ETAA1: variants seen among roughly 807,000 people sequenced by gnomAD.
ETAA1 encodes ETAA1 activator of ATR kinase, also known as ewing's tumor-associated antigen 1.
Under a neutral mutation model 76.8 loss-of-function variants are expected in ETAA1, and 49 were observed. The observed-to-expected ratio is 0.64, with a 90% confidence interval of 0.51 to 0.81. The LOEUF is 0.81. Among genes scored for constraint, ETAA1 ranks in the 30% least tolerant of loss-of-function variants. The pLI is 0.00. For missense variants in ETAA1, 1,099 were observed against 1,074.0 expected (o/e 1.02, Z -0.32); for synonymous variants, 373 against 372.2 (o/e 1.00, Z -0.03).
intron 5 of ETAA1, among the ~76,000 whole-genome samples, chr2:67,407,985 T>TA (rs768131327): frequency 6.6e-6 from 1 of 152,038 alleles, no homozygotes; most frequent in Non-Finnish European, 1.5e-5. Context: ...CCTCCTGGAG[T>TA]ATTTGAGTTT....
chr2:67,408,214 C>T lies in ETAA1; in HGVS notation c.2654-1697C>T, dbSNP rs115470734. On this transcript the variant is annotated intron_variant, in intron 5 of 5. Coordinates refer to ENST00000272342, the MANE Select transcript of ETAA1 (RefSeq NM_019002.4). ...CTCTGAAACAAAACTCACTTAACTCCCACATTTATTTCAGGCAGGAGTTGG... is the reference window on the plus strand; with the variant it reads ...CTCTGAAACAAAACTCACTTAACTCTCACATTTATTTCAGGCAGGAGTTGG... Among the ~76,000 whole-genome samples the T allele has an allele frequency of 6.6e-3, 1,012 of 152,204 alleles. 19 individuals are homozygous for T. Among genetic ancestry groups the T allele is most frequent in the African/African-American group, 0.023 (968 of 41,544 alleles).
chr2:67,403,218 T>C lies in ETAA1; in HGVS notation c.543-7T>C. The C allele has an allele frequency of 3.3e-6, 5 of 1,506,578 alleles. No homozygotes were observed. Among genetic ancestry groups the C allele is most frequent in the Non-Finnish European group, 4.5e-6 (5 of 1,118,886 alleles). The allele number at this position is 1,506,578 out of a possible 1,614,324, so 93.3% of individuals were successfully genotyped here. ...ATTTTTAGTTATTTTTTAATCTTGT[T>C]TAATAGGTTAAAAACACAAAGTCAA... On this transcript the variant is annotated splice_polypyrimidine_tract_variant and splice_region_variant and intron_variant, in intron 4 of 5. Coordinates refer to ENST00000272342, the MANE Select transcript of ETAA1 (RefSeq NM_019002.4).
At position 67,411,935 on chromosome 2, in the gene ETAA1, C is replaced by G. The variant is rs1288097167; in HGVS notation, c.*1897C>G. On this transcript the variant is annotated 3_prime_UTR_variant, in exon 6 of 6. Transcript: ENST00000272342. ...TTGCTTTTTTAAGAGTACTTTTAGC[C>G]TATTCTGTTCATTCATTTAGACTCA... 1 of 152,002 alleles carries G rather than the reference C, an allele frequency of 6.6e-6. No individual in the cohort carries two copies. The highest frequency in any genetic ancestry group is 2.1e-4 in the South Asian group (1 of 4,816). 9.4% of individuals were successfully genotyped at this position (152,002 alleles called of 1,614,324 possible). A position where few individuals can be genotyped will look rare whatever the true frequency, so the allele number is the denominator to read the frequency against.
Position 67,397,652 on chromosome 2 carries a change from C to G in ETAA1, c.204C>G (p.Cys68Trp). The G allele has an allele frequency of 6.5e-7, 1 of 1,547,368 alleles. No homozygotes were observed. The highest frequency in any genetic ancestry group is 1.2e-5 in the South Asian group (1 of 83,976). The change falls in exon 1 of 6, where the codon TGC (cysteine) becomes TGG (tryptophan). Residue 68 changes from cysteine (C) to tryptophan (W), a missense_variant. Cys to Trp is a radical substitution (Grantham distance 215). Coordinates refer to ENST00000272342, the MANE Select transcript of ETAA1 (RefSeq NM_019002.4). ...QREQPPTAAL[C>W]SKSNPEERYE... ...AGCAGCCTCCGACCGCCGCCCTGTG[C>G]AGTAAAAGTAACCCCGAGGGTGAGA...
At chr2:67,403,043 G>C in intron 4 of ETAA1, 69 bp downstream of exon 4, 1 of 1,369,792 alleles carries the variant, frequency 7.3e-7, no homozygotes, top group Non-Finnish European at 9.9e-7. Flanking sequence ...ACTCCATTTT[G>C]GTTTTGTGAA....
chr2:67,406,408 A>C (rs1234760030), intron 5 of ETAA1, among the ~76,000 whole-genome samples: 1 of 152,134 alleles, frequency 6.6e-6, no homozygotes, highest in Non-Finnish European at 1.5e-5. Context: ...AGAGTCTATA[A>C]ATAGATCTCC....
In ETAA1 at chr2:67,399,183, C is replaced by A; in HGVS notation, c.238C>A (p.Pro80Thr). Reference sequence around the variant, plus strand: ...ATTTTATATAGAAAGGTATGAAACACCAAAGAGAGCGCTGAAAATGGACTC... The same window carrying A: ...ATTTTATATAGAAAGGTATGAAACAACAAAGAGAGCGCTGAAAATGGACTC... Reference protein sequence around the residue: ...KSNPEERYETPKRALKMDSLS... With the variant: ...KSNPEERYETTKRALKMDSLS... Residue 80 changes from proline to threonine, a missense_variant, in exon 2 of 6, where the codon CCA becomes ACA. Physicochemically the swap from Pro to Thr is conservative, Grantham distance 38. Coordinates refer to ENST00000272342, the MANE Select transcript of ETAA1 (RefSeq NM_019002.4). The A allele has an allele frequency of 6.2e-7, 1 of 1,612,250 alleles. No homozygotes were observed. The highest frequency in any genetic ancestry group is 8.5e-7 in the Non-Finnish European group (1 of 1,179,170).
chr2:67,404,726 A>C lies in ETAA1; in HGVS notation c.2044A>C (p.Ile682Leu), dbSNP rs181456240. The C allele has an allele frequency of 1.9e-6, 3 of 1,613,438 alleles. No individual in the cohort carries two copies. In the Admixed American group the frequency reaches 5.0e-5, roughly 27 times the overall value. The change falls in exon 5 of 6, where the codon ATA becomes CTA. Residue 682 changes from isoleucine to leucine, a missense_variant. Transcript: ENST00000272342. ...ACATGGAGCCAAAAACATGTTTGCT[A>C]TATCTAAACAAGGAAGTAATTTGGT... is the stretch of plus-strand genomic sequence containing the variant. Reference protein sequence around the residue: ...SEHGAKNMFAISKQGSNLVQS... With the variant: ...SEHGAKNMFALSKQGSNLVQS...
chr2:67,405,322 A>G lies in ETAA1; in HGVS notation c.2640A>G (p.Lys880=), dbSNP rs1676186671. Residue 880 remains lysine, a synonymous_variant, in exon 5 of 6, where the codon AAA becomes AAG. Coordinates refer to ENST00000272342, the MANE Select transcript of ETAA1 (RefSeq NM_019002.4). The stretch of plus-strand genomic sequence containing the variant: ...TGGTGAAACTTTCTGAATCTTTGAA[A>G]CAATCTTCAAAAGGTATGTATGAAA... The part of the protein sequence containing the change: ...QSLVKLSESL[K]QSSKEEEEKN... 1 of 1,537,938 alleles carries G rather than the reference A, an allele frequency of 6.5e-7. No individual in the cohort carries two copies. Among genetic ancestry groups the G allele is most frequent in the Non-Finnish European group, 8.7e-7 (1 of 1,145,938 alleles).
rs1007268303 is a variant in ETAA1, at chr2:67,403,870, T to C, written c.1188T>C (p.Asn396=). The part of the protein sequence containing the change: ...LLGSEPFAMQ[N]IDMPELFPSK... ...GTAGTGAACCTTTTGCTATGCAAAATATCGACATGCCTGAACTCTTTCCTT... is the reference window on the plus strand; with the variant it reads ...GTAGTGAACCTTTTGCTATGCAAAACATCGACATGCCTGAACTCTTTCCTT... Residue 396 remains asparagine, a synonymous_variant, in exon 5 of 6, where the codon AAT becomes AAC. Transcript: ENST00000272342. The C allele has an allele frequency of 9.9e-6, 16 of 1,613,022 alleles. No homozygotes were observed. In the African/African-American group the frequency reaches 1.6e-4, roughly 16 times the overall value.
chr2:67,398,743 G>C (rs1675970681), intron 1 of ETAA1, among the ~76,000 whole-genome samples: 1 of 152,168 alleles, frequency 6.6e-6, no homozygotes, highest in African/African-American at 2.4e-5. Flanking sequence ...ATCACTAATG[G>C]TTTTTGAAGA....
intron 3 of ETAA1, chr2:67,401,305 T>C (rs958363393): frequency 4.6e-5 from 7 of 151,734 alleles, no homozygotes; most frequent in Non-Finnish European, 8.8e-5. Context: ...CAAATACTTA[T>C]ATTGTTTATT....
rs370008819 is a variant in ETAA1, at chr2:67,397,435, G to T, written c.-14G>T. 1.3e-6 allele frequency: 2 copies of T among 1,578,774 alleles called. No homozygotes were observed. The highest frequency in any genetic ancestry group is 1.3e-5 in the African/African-American group (1 of 74,124). On this transcript the variant is annotated 5_prime_UTR_variant, in exon 1 of 6. Coordinates refer to ENST00000272342, the MANE Select transcript of ETAA1 (RefSeq NM_019002.4). Reference sequence around the variant, plus strand: ...GTGAAAGAAGAAGCGGCTGGTGGAGGCGGGCCATAGGCAATGAGTCGGCGA... The same window carrying T: ...GTGAAAGAAGAAGCGGCTGGTGGAGTCGGGCCATAGGCAATGAGTCGGCGA...
Position 67,404,430 on chromosome 2 carries a change from C to G in ETAA1, c.1748C>G (p.Pro583Arg), listed in dbSNP as rs1402372590. Residue 583 changes from proline (P) to arginine (R), a missense_variant, in exon 5 of 6, where the codon CCC (proline) becomes CGC (arginine). This residue lies in a region of ETAA1 where 761 missense variants were observed against 731.9 expected (regional missense o/e 1.04). Coordinates refer to ENST00000272342, the MANE Select transcript of ETAA1 (RefSeq NM_019002.4). ...VGSFFDDWND[P>R]SFANEIIKAC... ...TCTTTCTTTGATGATTGGAATGATC[C>G]CTCATTTGCCAATGAAATTATTAAA... The G allele has an allele frequency of 1.2e-6, 2 of 1,613,054 alleles. No individual in the cohort carries two copies. Among genetic ancestry groups the G allele is most frequent in the Non-Finnish European group, 1.7e-6 (2 of 1,179,460 alleles).
At position 67,397,368 on chromosome 2, in the gene ETAA1, G is replaced by A. The variant is rs1417903448; in HGVS notation, c.-81G>A. On this transcript the variant is annotated 5_prime_UTR_variant, in exon 1 of 6. Coordinates refer to ENST00000272342, the MANE Select transcript of ETAA1 (RefSeq NM_019002.4). ...ATGGCGGCTGCCGTTGGTGCGGGGTGCGGTTTGTAGTGCTGTTGCCCTACT... is the reference window on the plus strand; with the variant it reads ...ATGGCGGCTGCCGTTGGTGCGGGGTACGGTTTGTAGTGCTGTTGCCCTACT... The A allele has an allele frequency of 1.1e-5, 16 of 1,413,248 alleles. No homozygotes were observed. The highest frequency in any genetic ancestry group is 1.6e-5 in the Non-Finnish European group (16 of 1,023,362). The allele number at this position is 1,413,248 out of a possible 1,614,324, so 87.5% of individuals were successfully genotyped here. A position where few individuals can be genotyped will look rare whatever the true frequency, so the allele number is the denominator to read the frequency against.
At position 67,411,276 on chromosome 2, in the gene ETAA1, A is replaced by G. The variant is rs974436380; in HGVS notation, c.*1238A>G. On this transcript the variant is annotated 3_prime_UTR_variant, in exon 6 of 6. Transcript: ENST00000272342. ...AAACACCTGTCATGGTGTGGCATTT[A>G]TCACTATCAAGTGTCTCAAAGCTGT... 3 of 152,070 alleles carry G rather than the reference A, an allele frequency of 2.0e-5. No homozygotes were observed. Among genetic ancestry groups the G allele is most frequent in the Non-Finnish European group, 2.9e-5 (2 of 67,980 alleles). 9.4% of individuals were successfully genotyped at this position (152,070 alleles called of 1,614,324 possible).
rs1676178716 is a variant in ETAA1, at chr2:67,405,132, G to A, written c.2450G>A (p.Gly817Glu). 1 of 1,612,444 alleles carries A rather than the reference G, an allele frequency of 6.2e-7. No individual in the cohort carries two copies. Among genetic ancestry groups the A allele is most frequent in the Admixed American group, 1.7e-5 (1 of 59,762 alleles). ...EAQSNLNTTV[G>E]FSKFTFTRMK... ...CAGAGCAACCTTAACACAACAGTTG[G>A]ATTTTCAAAGTTTACATTTACAAGG... Residue 817 changes from glycine (G) to glutamate (E), a missense_variant, in exon 5 of 6, where the codon GGA (glycine) becomes GAA (glutamate). By Grantham distance (98) the Gly-to-Glu change is moderately conservative. Transcript: ENST00000272342.
At chr2:67,402,757 C>A in intron 3 of ETAA1, 105 bp from the exon 4 acceptor site, 1 of 676,060 alleles carries the variant, frequency 1.5e-6, no homozygotes, top group Non-Finnish European at 2.2e-6. Flanking sequence ...GAAATTAATT[C>A]AAAATCATTA....
In ETAA1 at chr2:67,404,997, G is replaced by A. The variant is rs1383892381; in HGVS notation, c.2315G>A (p.Gly772Glu). The part of the protein sequence containing the change: ...QVNSSKLVLP[G>E]SSSLNVTSDH... ...AATAGTTCCAAATTGGTTCTTCCAG[G>A]AAGTTCAAGTTTGAATGTAACTTCA... Residue 772 changes from glycine (G) to glutamate (E), a missense_variant, in exon 5 of 6, where the codon GGA becomes GAA. By Grantham distance (98) the Gly-to-Glu change is moderately conservative. Coordinates refer to ENST00000272342, the MANE Select transcript of ETAA1 (RefSeq NM_019002.4). The A allele has an allele frequency of 6.2e-7, 1 of 1,612,100 alleles. No individual in the cohort carries two copies. The highest frequency in any genetic ancestry group is 8.5e-7 in the Non-Finnish European group (1 of 1,178,868).
Sources: gnomAD v4.1 joint callset for allele counts (sites outside exome capture counted in the v4.1 genomes callset) on GRCh38, gnomAD v4.1.1 for gene constraint, gnomAD v4.1.1 regional missense constraint, MANE v1.5 for transcripts, NCBI Gene and HGNC (gene_info 2026-07-23, HGNC 2026-07-21) for gene names.